Variants in LMTK2 observed in about 807,000 individuals in gnomAD.
LMTK2 encodes lemur tail kinase 2, also known as serine/threonine-protein kinase LMTK2.
Under a neutral mutation model 127.5 loss-of-function variants are expected in LMTK2, and 37 were observed. That is an observed-to-expected ratio of 0.29 (90% confidence interval 0.22 to 0.38). The LOEUF is 0.38. Among genes scored for constraint, LMTK2 ranks in the 10% least tolerant of loss-of-function variants. LMTK2 has a pLI of 1.00. For missense variants in LMTK2, 1,694 were observed against 1,920.3 expected (o/e 0.88, Z 2.20); for synonymous variants, 819 against 810.1 (o/e 1.01, Z -0.19).
intron 11 of LMTK2, among the ~76,000 whole-genome samples, chr7:98,195,290 C>T (rs927816896): frequency 1.3e-4 from 20 of 152,164 alleles, no homozygotes; most frequent in Non-Finnish European, 1.5e-5. Context: ...AGGGGCCAAC[C>T]AGAAGCCCTG....
intron 1 of LMTK2, among the ~76,000 whole-genome samples, chr7:98,130,429 T>C (rs901059348): frequency 1.3e-5 from 2 of 152,210 alleles, no homozygotes; most frequent in African/African-American, 4.8e-5. Flanking sequence ...GTGCACCTAC[T>C]GGTCTTTGGC....
intron 6 of LMTK2, among the ~76,000 whole-genome samples, chr7:98,160,852 T>C (rs909195304): frequency 6.6e-6 from 1 of 152,250 alleles, no homozygotes. Flanking sequence ...GGGCTCTCTT[T>C]AAGGTTAAAA....
chr7:98,158,421 C>T (rs994542038), intron 5 of LMTK2, among the ~76,000 whole-genome samples: 11 of 152,162 alleles, frequency 7.2e-5, no homozygotes, highest in African/African-American at 2.2e-4. Flanking sequence ...ACCACAGTTG[C>T]GCGTCCCCAC....
intron 6 of LMTK2, among the ~76,000 whole-genome samples, chr7:98,162,403 A>G (rs1797029473): frequency 6.6e-6 from 1 of 152,246 alleles, no homozygotes; most frequent in Admixed American, 6.5e-5. Context: ...TAGAGCTCAG[A>G]CTTAAATACA....
intron 7 of LMTK2, among the ~76,000 whole-genome samples, chr7:98,182,099 C>T (rs1797364565): frequency 6.6e-6 from 1 of 152,094 alleles, no homozygotes; most frequent in South Asian, 2.1e-4. Context: ...CAAAAATTAA[C>T]TCAAAATGGA....
rs766643430 is a variant in LMTK2, at chr7:98,192,478, C to T, written c.2013C>T (p.Ser671=). ...ACTTTAAACCTGCCACTTTAAGTTC[C>T]AGTTTGGATAACCCCAAAGAGTCAG... The part of the protein sequence containing the change: ...QADFKPATLS[S]SLDNPKESVI... The change falls in exon 11 of 14, where the codon TCC becomes TCT. Residue 671 remains serine (S), a synonymous_variant. Transcript: ENST00000297293. The T allele has an allele frequency of 6.2e-7, 1 of 1,611,132 alleles. No homozygotes were observed. Among genetic ancestry groups the T allele is most frequent in the Non-Finnish European group, 8.5e-7 (1 of 1,179,332 alleles).
At chr7:98,118,919 C>T (rs1584244206) in intron 1 of LMTK2, among the ~76,000 whole-genome samples, 1 of 151,942 alleles carries the variant, frequency 6.6e-6, no homozygotes, top group Admixed American at 6.6e-5. Flanking sequence ...GGTGAAACCG[C>T]GTCTCTACTA....
At chr7:98,196,308 G>A (rs1265935289) in intron 11 of LMTK2, among the ~76,000 whole-genome samples, 7 of 152,080 alleles carry the variant, frequency 4.6e-5, no homozygotes, top group Admixed American at 3.9e-4. Context: ...GGCAGATCTC[G>A]AACTCAGGAG....
chr7:98,131,790 C>G (rs991321687), intron 1 of LMTK2, among the ~76,000 whole-genome samples: 8 of 152,170 alleles, frequency 5.3e-5, no homozygotes, highest in Non-Finnish European at 1.2e-4. Flanking sequence ...TTCCTGATCC[C>G]TATTACCCGA....
chr7:98,159,476 A>C (rs750878269), intron 6 of LMTK2, 51 bp downstream of exon 6: 1 of 1,275,428 alleles, frequency 7.8e-7, no homozygotes. Flanking sequence ...GTTGTATTCA[A>C]GTGTTTTTGA....
chr7:98,161,687 A>G (rs529326923), intron 6 of LMTK2, among the ~76,000 whole-genome samples: 1 of 152,300 alleles, frequency 6.6e-6, no homozygotes, highest in South Asian at 2.1e-4. Flanking sequence ...TTGTGATATA[A>G]AAATAGCTTC....
In LMTK2 at chr7:98,190,782, A is replaced by G. The variant is rs1285503551; in HGVS notation, c.1053A>G (p.Ser351=). The part of the protein sequence containing the change: ...ELFDNAAQPY[S]NLSNLDVLNQ... ...TTGACAATGCCGCACAGCCGTATTC[A>G]AACCTTTCCAACTTAGATGTCCTCA... The change falls in exon 10 of 14, where the codon TCA becomes TCG. Residue 351 remains serine (S), a synonymous_variant. Coordinates refer to ENST00000297293, the MANE Select transcript of LMTK2 (RefSeq NM_014916.4). 2 of 1,614,050 alleles carry G rather than the reference A, an allele frequency of 1.2e-6. No individual in the cohort carries two copies. The highest frequency in any genetic ancestry group is 1.7e-6 in the Non-Finnish European group (2 of 1,180,046).
Position 98,190,790 on chromosome 7 carries a change from C to G in LMTK2, c.1061C>G (p.Ser354Cys). ...DNAAQPYSNL[S>C]NLDVLNQVIR... ...GCCGCACAGCCGTATTCAAACCTTT[C>G]CAACTTAGATGTCCTCAACCAAGTC... Residue 354 changes from serine (S) to cysteine (C), a missense_variant, in exon 10 of 14, where the codon TCC (serine) becomes TGC (cysteine). Around this residue, in one of 8 missense-constraint regions of LMTK2, gnomAD observed 216 missense variants for 266.8 expected, o/e 0.81. Transcript: ENST00000297293. 6.2e-7 allele frequency: 1 copy of G among 1,614,086 alleles called. No homozygotes were observed. The highest frequency in any genetic ancestry group is 8.5e-7 in the Non-Finnish European group (1 of 1,180,002).
Position 98,205,606 on chromosome 7 carries a change from G to A in LMTK2, c.*114G>A. 8.7e-7 allele frequency: 1 copy of A among 1,151,080 alleles called. No individual in the cohort carries two copies. Among genetic ancestry groups the A allele is most frequent in the Non-Finnish European group, 1.3e-6 (1 of 792,454 alleles). 71.3% of individuals were successfully genotyped at this position (1,151,080 alleles called of 1,614,324 possible). A position where few individuals can be genotyped will look rare whatever the true frequency, so the allele number is the denominator to read the frequency against. On this transcript the variant is annotated 3_prime_UTR_variant, in exon 14 of 14. Coordinates refer to ENST00000297293, the MANE Select transcript of LMTK2 (RefSeq NM_014916.4). ...CCATTTGCTGACATGAGATTGGGAG[G>A]AAGAATCCAGAGGTGAAGAGGGAGA...
At position 98,208,367 on chromosome 7, in the gene LMTK2, TGTTCA is replaced by T. The variant is rs1259225495; in HGVS notation, c.*2882_*2886del. The T allele has an allele frequency of 1.2e-4, 18 of 152,322 alleles. No homozygotes were observed. Among genetic ancestry groups the T allele is most frequent in the African/African-American group, 3.6e-4 (15 of 41,564 alleles). 9.4% of individuals were successfully genotyped at this position (152,322 alleles called of 1,614,324 possible). ...ATTTTTGAAATGTCAGCATGTGCTGTGTTCAGTTCAGGTTTTTGTTGTTTGTTTTG... is the reference window on the plus strand; with the variant it reads ...ATTTTTGAAATGTCAGCATGTGCTGTGTTCAGGTTTTTGTTGTTTGTTTTG... On this transcript the variant is annotated 3_prime_UTR_variant, in exon 14 of 14. Coordinates refer to ENST00000297293, the MANE Select transcript of LMTK2 (RefSeq NM_014916.4).
At chr7:98,176,067 A>C (rs779939088) in intron 7 of LMTK2, among the ~76,000 whole-genome samples, 1 of 152,268 alleles carries the variant, frequency 6.6e-6, no homozygotes, top group Non-Finnish European at 1.5e-5. Flanking sequence ...AGCAAACTGC[A>C]TGTAGCAGTG....
intron 11 of LMTK2, among the ~76,000 whole-genome samples, chr7:98,199,796 C>T (rs529356250): frequency 6.6e-6 from 1 of 152,188 alleles, no homozygotes; most frequent in Admixed American, 6.5e-5. Context: ...CTCCTGGCCA[C>T]GTTGTTTTGG....
At chr7:98,156,476 A>AG (rs1200560798) in intron 5 of LMTK2, among the ~76,000 whole-genome samples, 1 of 152,066 alleles carries the variant, frequency 6.6e-6, no homozygotes, top group South Asian at 2.1e-4. Context: ...AAAAAAAAAA[A>AG]AGCTGTAATG....
chr7:98,178,331 C>T (rs1245454977), intron 7 of LMTK2, among the ~76,000 whole-genome samples: 1 of 152,218 alleles, frequency 6.6e-6, no homozygotes, highest in African/African-American at 2.4e-5. Flanking sequence ...ACCCCGAAGA[C>T]GCGCAAACTA....
Sources: gnomAD v4.1 joint callset for allele counts (sites outside exome capture counted in the v4.1 genomes callset) on GRCh38, gnomAD v4.1.1 for gene constraint, gnomAD v4.1.1 regional missense constraint, MANE v1.5 for transcripts, NCBI Gene and HGNC (gene_info 2026-07-23, HGNC 2026-07-21) for gene names.